SENP6: variants seen among roughly 807,000 people sequenced by gnomAD.
SENP6 encodes the protein sentrin-specific protease 6.
Under a neutral mutation model 134.5 loss-of-function variants are expected in SENP6, and 41 were observed. The observed-to-expected ratio is 0.30, with a 90% CI of 0.24 to 0.40. SENP6 has a LOEUF of 0.40. Among genes scored for constraint, SENP6 ranks in the 10% least tolerant of loss-of-function variants. The probability of loss-of-function intolerance (pLI) is 1.00; values close to 1 mark genes in which losing one functional copy is unlikely to be tolerated. For missense variants in SENP6, 1,248 were observed against 1,312.5 expected (o/e 0.95, Z 0.76); for synonymous variants, 395 against 429.8 (o/e 0.92, Z 1.00).
intron 14 of SENP6, chr6:75,678,036 T>G (rs1773213119): frequency 6.6e-6 from 1 of 152,336 alleles, no homozygotes; most frequent in South Asian, 2.1e-4. Flanking sequence ...GAAAGGGAAA[T>G]GGTTCTTTTT....
rs773888324 is a variant in SENP6, at chr6:75,666,874, G to A, written c.1157G>A (p.Arg386Gln). ...ACTTGCAGAGCAGAGCGTGAACTAC[G>A]AAGCATTCCAGAAGACTCAGAGTTA... ...ENTCRAEREL[R>Q]SIPEDSELNT... Residue 386 changes from arginine (R) to glutamine (Q), a missense_variant, in exon 10 of 24, where the codon CGA (arginine) becomes CAA (glutamine). By Grantham distance (43) the Arg-to-Gln change is conservative. This residue lies in a region of SENP6 where 733 missense variants were observed against 725.4 expected (regional missense o/e 1.01). Coordinates refer to ENST00000447266, the MANE Select transcript of SENP6 (RefSeq NM_015571.4). 29 of 1,612,730 alleles carry A rather than the reference G, an allele frequency of 1.8e-5. No homozygotes were observed. Among genetic ancestry groups the A allele is most frequent in the South Asian group, 6.6e-5 (6 of 91,020 alleles).
chr6:75,669,140 A>G (rs1772472924), intron 10 of SENP6, among the ~76,000 whole-genome samples: 1 of 152,206 alleles, frequency 6.6e-6, no homozygotes, highest in South Asian at 2.1e-4. Flanking sequence ...GCCTGAGGTC[A>G]GGAGTTCGAG....
chr6:75,612,676 AGAAACAG>A (rs1484221804), intron 1 of SENP6, among the ~76,000 whole-genome samples: 6 of 152,190 alleles, frequency 3.9e-5, no homozygotes, highest in South Asian at 2.1e-4. Context: ...GATGATGCAT[AGAAACAG>A]GAAACAGGAA....
intron 16 of SENP6, among the ~76,000 whole-genome samples, chr6:75,682,141 A>G (rs1773506746): frequency 1.3e-5 from 2 of 152,154 alleles, no homozygotes; most frequent in South Asian, 4.1e-4. Flanking sequence ...CCAGGGATCA[A>G]GAAGGATGTT....
At chr6:75,707,355 C>CTTTTTTTTTTTTTTTTT (rs10564996) in intron 19 of SENP6, among the ~76,000 whole-genome samples, 2 of 74,692 alleles carry the variant, frequency 2.7e-5, no homozygotes, top group African/African-American at 1.0e-4. Context: ...TCTTCTTCTT[C>CTTTTTTTTTTTTTTTTT]TTTTTTTTTT....
chr6:75,699,978 A>G (rs187677026), intron 18 of SENP6, among the ~76,000 whole-genome samples: 112 of 152,050 alleles, frequency 7.4e-4, no homozygotes, highest in African/African-American at 2.6e-3. Flanking sequence ...TGGTGCAATC[A>G]TAGCTCACTG....
rs907292375 is a variant in SENP6 at position 75,669,453 on chromosome 6, AT to A, written c.1225-1090del. ...TATGATCATATTTTGTTTAAAATAC[AT>A]TTTTTTTTTCCTGTGACATAGATGG... On this transcript the variant is annotated intron_variant, in intron 10 of 23. Transcript: ENST00000447266. Among the ~76,000 whole-genome samples, 57 of 150,170 alleles carry A rather than the reference AT, an allele frequency of 3.8e-4. 1 individual carries two copies. The highest frequency in any genetic ancestry group is 9.8e-4 in the African/African-American group (40 of 40,978).
At chr6:75,696,801 A>G (rs1314477868) in intron 17 of SENP6, among the ~76,000 whole-genome samples, 2 of 152,126 alleles carry the variant, frequency 1.3e-5, no homozygotes, top group East Asian at 3.9e-4. Context: ...TTCCTCTCCA[A>G]TAGTGATGGC....
At chr6:75,653,379 G>A (rs576632083) in intron 7 of SENP6, among the ~76,000 whole-genome samples, 4 of 152,222 alleles carry the variant, frequency 2.6e-5, no homozygotes, top group African/African-American at 9.6e-5. Flanking sequence ...TGAATCTGTT[G>A]TTAAAGTTGG....
At chr6:75,653,581 A>G (rs1033939455) in intron 7 of SENP6, among the ~76,000 whole-genome samples, 3 of 151,758 alleles carry the variant, frequency 2.0e-5, no homozygotes, top group African/African-American at 7.3e-5. Flanking sequence ...GGTGAATGTC[A>G]GGAATGCCTA....
intron 6 of SENP6, 67 bp downstream of exon 6, chr6:75,640,771 TTGAAAAATATTGGTTGAATTAGAGTTTA>T: frequency 1.0e-6 from 1 of 965,940 alleles, no homozygotes; most frequent in Non-Finnish European, 1.5e-6. Context: ...TTTATATGTT[TTGAAAAATATTGGTTGAATTAGAGTTTA>T]TAATTAAAGC....
intron 1 of SENP6, among the ~76,000 whole-genome samples, chr6:75,612,228 A>G (rs929779472): frequency 5.3e-5 from 8 of 152,332 alleles, no homozygotes; most frequent in Admixed American, 4.6e-4. Flanking sequence ...TGGTGACTCA[A>G]GGCTTTGGAA....
chr6:75,680,367 A>G (rs1773381857), intron 16 of SENP6, among the ~76,000 whole-genome samples: 1 of 152,182 alleles, frequency 6.6e-6, no homozygotes, highest in Non-Finnish European at 1.5e-5. Context: ...ATGGCGCTAG[A>G]GTTTGGTTGA....
intron 16 of SENP6, among the ~76,000 whole-genome samples, chr6:75,690,710 T>TG (rs1194424853): frequency 6.6e-6 from 1 of 150,406 alleles, no homozygotes; most frequent in Non-Finnish European, 1.5e-5. Flanking sequence ...TTTTTTTTTT[T>TG]GAGATGAGAG....
Position 75,716,756 on chromosome 6 carries a change from G to A in SENP6, c.*1162G>A, listed in dbSNP as rs964960305. 1 of 151,822 alleles carries A rather than the reference G, an allele frequency of 6.6e-6. No homozygotes were observed. Among genetic ancestry groups the A allele is most frequent in the African/African-American group, 2.4e-5 (1 of 41,394 alleles). The allele number at this position is 151,822 out of a possible 1,614,324, so 9.4% of individuals were successfully genotyped here. The stretch of plus-strand genomic sequence containing the variant: ...TTCTTTCAAATGAACTTTGAGACTT[G>A]AAACATATTTTAGTCATTTTTTGTT... On this transcript the variant is annotated 3_prime_UTR_variant, in exon 24 of 24. Transcript: ENST00000447266.
At chr6:75,656,992 T>A (rs1019005140) in intron 7 of SENP6, among the ~76,000 whole-genome samples, 4 of 152,176 alleles carry the variant, frequency 2.6e-5, no homozygotes, top group Non-Finnish European at 4.4e-5. Flanking sequence ...GATTACATAA[T>A]CAGGATGAAA....
intron 17 of SENP6, among the ~76,000 whole-genome samples, chr6:75,696,518 C>T (rs1299298719): frequency 6.6e-6 from 1 of 152,112 alleles, no homozygotes; most frequent in Non-Finnish European, 1.5e-5. Context: ...CACTCTGTCA[C>T]CCAGGCTGGA....
intron 18 of SENP6, 87 bp from the exon 19 acceptor site, chr6:75,702,558 A>C (rs1775109491): frequency 8.0e-7 from 1 of 1,253,194 alleles, no homozygotes; most frequent in Admixed American, 2.9e-5. Context: ...CAAGAACTTT[A>C]GAAAAAAACA....
chr6:75,697,436 A>T lies in SENP6; in HGVS notation c.2207A>T (p.Lys736Ile). The T allele has an allele frequency of 6.2e-7, 1 of 1,610,270 alleles. No homozygotes were observed. Among genetic ancestry groups the T allele is most frequent in the Non-Finnish European group, 8.5e-7 (1 of 1,177,976 alleles). The change falls in exon 18 of 24, where the codon AAA (lysine) becomes ATA (isoleucine). Residue 736 changes from lysine (K) to isoleucine (I), a missense_variant. Lys to Ile is a moderately radical substitution (Grantham distance 102, BLOSUM62 -3). This residue lies in a region of SENP6 where 129 missense variants were observed against 192.0 expected (regional missense o/e 0.67). Transcript: ENST00000447266. ...HETTNLSIQQKRHGRVKTWTR... is the reference protein window; with the variant it reads ...HETTNLSIQQIRHGRVKTWTR... ...TCTCTTTCTTACAGAATACAGCAAA[A>T]ACGGCATGGGAGAGTAAAAACATGG... is the stretch of plus-strand genomic sequence containing the variant.
Sources: gnomAD v4.1 joint callset for allele counts (sites outside exome capture counted in the v4.1 genomes callset) on GRCh38, gnomAD v4.1.1 for gene constraint, gnomAD v4.1.1 regional missense constraint, MANE v1.5 for transcripts, NCBI Gene and HGNC (gene_info 2026-07-23, HGNC 2026-07-21) for gene names.